SLIT3: variants seen among roughly 807,000 people sequenced by gnomAD.
SLIT3 encodes the protein slit homolog 3 protein.
SLIT3 carries 68 observed loss-of-function variants against 184.0 expected under a neutral mutation model. The ratio of observed to expected loss-of-function variants is 0.37; its 90% CI spans 0.30 to 0.45. The LOEUF (loss-of-function observed/expected upper bound fraction) is 0.45. Among genes scored for constraint, SLIT3 ranks in the 20% least tolerant of loss-of-function variants. The probability of loss-of-function intolerance (pLI) is 1.00; values close to 1 mark genes in which losing one functional copy is unlikely to be tolerated. For synonymous variants in SLIT3, 831 were observed against 828.6 expected, an observed-to-expected ratio of 1.00 and a Z score of -0.05; for missense variants, 1,707 against 2,026.0, an observed-to-expected ratio of 0.84 and a Z score of 3.02.
intron 1 of SLIT3, among the ~76,000 whole-genome samples, chr5:169,288,828 TAAATG>T (rs1318594056): frequency 6.6e-6 from 1 of 152,208 alleles, no homozygotes; most frequent in Non-Finnish European, 1.5e-5. Flanking sequence ...TGCATCTTGT[TAAATG>T]AAAAGGAAAC....
intron 14 of SLIT3, among the ~76,000 whole-genome samples, chr5:168,768,638 T>A (rs921410242): frequency 3.3e-5 from 5 of 152,248 alleles, no homozygotes; most frequent in African/African-American, 1.2e-4. Context: ...ATCTTCTGCA[T>A]GCTTTGCAAC....
In SLIT3 at chr5:169,002,322, C is replaced by CAAAAAAAAAAAAAAAAAA. The variant is rs397999882; in HGVS notation, c.414-119004_414-118987dup. Among the ~76,000 whole-genome samples the CAAAAAAAAAAAAAAAAAA allele has an allele frequency of 3.5e-3, 85 of 24,222 alleles. 3 individuals carry two copies. The highest frequency in any genetic ancestry group is 4.8e-3 in the East Asian group (3 of 630). 15.9% of individuals were successfully genotyped at this position (24,222 alleles called of 152,430 possible). On this transcript the variant is annotated intron_variant, in intron 4 of 35. Coordinates refer to ENST00000519560, the MANE Select transcript of SLIT3 (RefSeq NM_003062.4). Reference sequence around the variant, plus strand: ...TGAGCAACAGAACGAGACTCTGTCTCAAAAAAAAAAAAAAAAAAAAAAAAA... The same window carrying CAAAAAAAAAAAAAAAAAA: ...TGAGCAACAGAACGAGACTCTGTCTCAAAAAAAAAAAAAAAAAAAAAAAAAAAAAAAAAAAAAAAAAAA...
chr5:169,068,066 C>G (rs1012815548), intron 4 of SLIT3, among the ~76,000 whole-genome samples: 1 of 152,124 alleles, frequency 6.6e-6, no homozygotes, highest in Non-Finnish European at 1.5e-5. Context: ...GCTTATTTAT[C>G]TCTCTATTAG....
intron 4 of SLIT3, among the ~76,000 whole-genome samples, chr5:168,973,220 C>A (rs868835576): frequency 6.6e-6 from 1 of 151,834 alleles, no homozygotes; most frequent in African/African-American, 2.4e-5. Flanking sequence ...AACTTTTTTT[C>A]CCTCTTTTTC....
At chr5:168,979,329 C>A (rs1380815374) in intron 4 of SLIT3, among the ~76,000 whole-genome samples, 1 of 152,138 alleles carries the variant, frequency 6.6e-6, no homozygotes, top group Admixed American at 6.5e-5. Context: ...GCTTGCAACA[C>A]CATCCAAGCA....
intron 4 of SLIT3, among the ~76,000 whole-genome samples, chr5:169,073,267 C>A (rs1419725148): frequency 6.6e-6 from 1 of 152,136 alleles, no homozygotes; most frequent in South Asian, 2.1e-4. Context: ...AGTAAGAGGA[C>A]AATCCTTAGC....
chr5:168,975,132 G>A (rs10070568), intron 4 of SLIT3, among the ~76,000 whole-genome samples: 3,400 of 152,230 alleles, frequency 0.022, 131 homozygotes, highest in Admixed American at 0.087. Flanking sequence ...CCTGGACATG[G>A]TGCCTTCCTA....
intron 3 of SLIT3, among the ~76,000 whole-genome samples, chr5:169,227,310 T>A (rs1188322718): frequency 6.6e-6 from 1 of 152,226 alleles, no homozygotes; most frequent in Non-Finnish European, 1.5e-5. Flanking sequence ...GGTTAATGCA[T>A]ATTATGGGGA....
chr5:169,284,711 G>T (rs1353387004), intron 1 of SLIT3, among the ~76,000 whole-genome samples: 1 of 152,188 alleles, frequency 6.6e-6, no homozygotes, highest in Non-Finnish European at 1.5e-5. Context: ...AGGTTTGTCT[G>T]AGTGGAGTAT....
intron 4 of SLIT3, among the ~76,000 whole-genome samples, chr5:169,167,403 T>C (rs1242136803): frequency 6.7e-6 from 1 of 150,186 alleles, no homozygotes; most frequent in Admixed American, 6.7e-5. Flanking sequence ...GCCTCCCGAG[T>C]AGCTGGGATT....
chr5:168,748,707 T>A (rs1001488306), intron 19 of SLIT3, among the ~76,000 whole-genome samples: 3 of 152,134 alleles, frequency 2.0e-5, no homozygotes, highest in Non-Finnish European at 2.9e-5. Flanking sequence ...ATAAGCCGAA[T>A]TGATTGAAGG....
At chr5:168,719,951 T>C (rs1581001944) in intron 23 of SLIT3, 1 of 152,218 alleles carries the variant, frequency 6.6e-6, no homozygotes, top group East Asian at 1.9e-4. Flanking sequence ...TCTGGCTCTA[T>C]TGCCCAGGCT....
chr5:169,090,305 C>T (rs1334937272), intron 4 of SLIT3, among the ~76,000 whole-genome samples: 1 of 152,166 alleles, frequency 6.6e-6, no homozygotes, highest in Non-Finnish European at 1.5e-5. Context: ...CTCTGCTTCT[C>T]CCTCCCAGTG....
intron 4 of SLIT3, among the ~76,000 whole-genome samples, chr5:168,945,205 A>G (rs1404951131): frequency 6.6e-6 from 1 of 152,172 alleles, no homozygotes; most frequent in East Asian, 1.9e-4. Flanking sequence ...TCCAGAAAAG[A>G]AAACCAAAGG....
At chr5:169,089,777 G>A (rs1318971000) in intron 4 of SLIT3, among the ~76,000 whole-genome samples, 1 of 152,198 alleles carries the variant, frequency 6.6e-6, no homozygotes, top group Non-Finnish European at 1.5e-5. Flanking sequence ...ACACTTGCCA[G>A]TGTTTGTAAC....
chr5:168,859,808 G>T (rs1033848629), intron 5 of SLIT3, among the ~76,000 whole-genome samples: 5 of 152,158 alleles, frequency 3.3e-5, no homozygotes, highest in Non-Finnish European at 5.9e-5. Flanking sequence ...TTATTTGGGA[G>T]TGGGAGTAGG....
intron 26 of SLIT3, chr5:168,706,818 C>G (rs547837599): frequency 6.6e-6 from 1 of 152,162 alleles, no homozygotes; most frequent in Non-Finnish European, 1.5e-5. Flanking sequence ...AGTCCCATTC[C>G]CCAGAATGAG....
chr5:169,196,701 GT>G (rs1290504661), intron 3 of SLIT3, among the ~76,000 whole-genome samples: 2 of 152,192 alleles, frequency 1.3e-5, no homozygotes, highest in African/African-American at 4.8e-5. Context: ...CAGAGCTCTA[GT>G]TCTGAACCAC....
chr5:169,012,918 G>A (rs1409723978), intron 4 of SLIT3: 1 of 152,226 alleles, frequency 6.6e-6, no homozygotes, highest in Non-Finnish European at 1.5e-5. Flanking sequence ...CTCACTTTCT[G>A]CGTCTATCAA....
Sources: allele counts gnomAD v4.1 joint callset (sites outside exome capture counted in the v4.1 genomes callset), GRCh38; gene constraint gnomAD v4.1.1; transcripts MANE v1.5; gene names NCBI Gene and HGNC (gene_info 2026-07-23, HGNC 2026-07-21).